Variants in TRIM33 observed in about 807,000 individuals in gnomAD.
The protein encoded by TRIM33 is E3 ubiquitin-protein ligase TRIM33.
A neutral mutation model predicts 125.4 loss-of-function variants in TRIM33; 20 were observed. That is an observed-to-expected ratio of 0.16 (90% CI 0.11 to 0.23). The LOEUF is 0.23. Among genes scored for constraint, TRIM33 ranks in the 10% least tolerant of loss-of-function variants. TRIM33 has a pLI of 1.00. For missense variants in TRIM33, 920 were observed against 1,411.4 expected, an observed-to-expected ratio of 0.65 and a Z score of 5.58; for synonymous variants, 564 against 513.9, an observed-to-expected ratio of 1.10 and a Z score of -1.32.
At chr1:114,413,785 A>G (rs1197541156) in intron 11 of TRIM33, among the ~76,000 whole-genome samples, 1 of 152,008 alleles carries the variant, frequency 6.6e-6, no homozygotes, top group Non-Finnish European at 1.5e-5. Context: ...TCGGATACCA[A>G]GGTAAGAGGA....
chr1:114,510,400 A>G (rs1653271560), intron 1 of TRIM33, 151 bp downstream of exon 1: 1 of 656,418 alleles, frequency 1.5e-6, no homozygotes, highest in Admixed American at 3.7e-5. Context: ...GCTTCTCTGG[A>G]AAGTGTCCCA....
intron 11 of TRIM33, among the ~76,000 whole-genome samples, chr1:114,418,899 C>G (rs1262711395): frequency 6.6e-6 from 1 of 152,020 alleles, no homozygotes; most frequent in Non-Finnish European, 1.5e-5. Flanking sequence ...TTACTGCCCC[C>G]ACCCCTTCCT....
chr1:114,421,736 C>A, intron 10 of TRIM33, 100 bp from the exon 11 acceptor site: 1 of 1,145,712 alleles, frequency 8.7e-7, no homozygotes, highest in South Asian at 1.4e-5. Context: ...ACAGAAGAAA[C>A]AAAGAAGTGG....
chr1:114,490,084 CAAAAAAA>C (rs776451339), intron 1 of TRIM33, among the ~76,000 whole-genome samples: 1 of 37,644 alleles, frequency 2.7e-5, no homozygotes, highest in South Asian at 1.2e-3. Context: ...GACTCCGTCT[CAAAAAAA>C]AAAAAAAAAA....
At chr1:114,408,650 GA>G (rs767553993) in intron 13 of TRIM33, 26 bp downstream of exon 13, 58 of 1,502,440 alleles carry the variant, frequency 3.9e-5, no homozygotes, top group Non-Finnish European at 4.8e-5. Flanking sequence ...TAACAAAAAG[GA>G]AAAAAATAAT....
chr1:114,469,788 A>C (rs1456386733), intron 1 of TRIM33, among the ~76,000 whole-genome samples: 1 of 152,192 alleles, frequency 6.6e-6, no homozygotes, highest in Non-Finnish European at 1.5e-5. Context: ...CTTACAAAAA[A>C]CTTGGCAATG....
chr1:114,397,605 T>G lies in TRIM33; in HGVS notation c.*43A>C. ...GTTTTTTGTGTTTTTTTTTTTTTTT[T>G]CGTTTTTTTTTTTTTAAACAATTGA... On this transcript the variant is annotated 3_prime_UTR_variant, in exon 20 of 20. Transcript: ENST00000358465. 1 of 1,114,618 alleles carries G rather than the reference T, an allele frequency of 9.0e-7. No individual in the cohort carries two copies. The highest frequency in any genetic ancestry group is 1.3e-6 in the Non-Finnish European group (1 of 782,166). 69.0% of individuals were successfully genotyped at this position (1,114,618 alleles called of 1,614,324 possible).
intron 4 of TRIM33, among the ~76,000 whole-genome samples, chr1:114,440,349 CAA>C (rs1171822984): frequency 3.0e-5 from 4 of 134,570 alleles, no homozygotes; most frequent in Non-Finnish European, 3.3e-5. Flanking sequence ...AATTTTAGAC[CAA>C]AAAAAAAAAA....
intron 4 of TRIM33, among the ~76,000 whole-genome samples, chr1:114,440,616 T>C (rs1572057850): frequency 2.0e-5 from 3 of 152,278 alleles, no homozygotes; most frequent in East Asian, 3.9e-4. Context: ...ATAAAGTTTT[T>C]AAAAGGGGGA....
intron 11 of TRIM33, among the ~76,000 whole-genome samples, chr1:114,417,469 C>T (rs1383785460): frequency 6.6e-6 from 1 of 152,066 alleles, no homozygotes; most frequent in Admixed American, 6.6e-5. Context: ...ACAGTAAGTG[C>T]TTAGTAAAAA....
intron 12 of TRIM33, among the ~76,000 whole-genome samples, chr1:114,409,205 A>C (rs1403280544): frequency 6.6e-6 from 1 of 152,152 alleles, no homozygotes; most frequent in Non-Finnish European, 1.5e-5. Flanking sequence ...TAAGAAAAAA[A>C]TAACATTTAA....
Position 114,463,187 on chromosome 1 carries a change from T to C in TRIM33, c.840A>G (p.Lys280=). Residue 280 remains lysine (K), a synonymous_variant, in exon 4 of 20, where the codon AAA becomes AAG. Coordinates refer to ENST00000358465, the MANE Select transcript of TRIM33 (RefSeq NM_015906.4). ...GQRPVFCPVH[K]QEQLKLFCET... is the part of the protein sequence containing the mutation. ...CACAGAAAAGTTTCAACTGTTCTTG[T>C]TTGTGTACAGGGCAGAAAACAGGGC... 1.2e-6 allele frequency: 2 copies of C among 1,613,466 alleles called. No homozygotes were observed. The highest frequency in any genetic ancestry group is 1.7e-6 in the Non-Finnish European group (2 of 1,179,786).
intron 18 of TRIM33, among the ~76,000 whole-genome samples, chr1:114,399,124 T>C (rs1651724719): frequency 6.6e-6 from 1 of 152,064 alleles, no homozygotes; most frequent in African/African-American, 2.4e-5. Flanking sequence ...TACAGATAAC[T>C]TTCCTAATAG....
rs114005894 is a variant in TRIM33, at chr1:114,425,718, G to A, written c.1426C>T (p.Leu476=). ...GGAGCTGGTTTACTCTCTATTACTAGATTACCTGAAAAATTTAAAAAATGA... is the reference window on the plus strand; with the variant it reads ...GGAGCTGGTTTACTCTCTATTACTAAATTACCTGAAAAATTTAAAAAATGA... ...WAKNVVNLGN[L]VIESKPAPGY... is the part of the protein sequence containing the mutation. Residue 476 remains leucine (L), a synonymous_variant, in exon 9 of 20, where the codon CTA becomes TTA. Transcript: ENST00000358465. 111 of 1,584,464 alleles carry A rather than the reference G, an allele frequency of 7.0e-5. No individual in the cohort carries two copies. The African/African-American group carries it at 1.4e-3, about 20-fold the overall frequency.
chr1:114,485,367 C>T (rs2101507019), intron 1 of TRIM33, among the ~76,000 whole-genome samples: 1 of 152,150 alleles, frequency 6.6e-6, no homozygotes, highest in Admixed American at 6.5e-5. Context: ...ACTTCTACTC[C>T]CACCTGGCAA....
chr1:114,457,840 C>G (rs71664846), intron 4 of TRIM33, among the ~76,000 whole-genome samples: 2,424 of 152,212 alleles, frequency 0.016, 25 homozygotes, highest in Non-Finnish European at 0.023. Context: ...GTGATTTTCC[C>G]CTATGTTTGG....
At chr1:114,485,153 G>C (rs1235667029) in intron 1 of TRIM33, among the ~76,000 whole-genome samples, 1 of 152,064 alleles carries the variant, frequency 6.6e-6, no homozygotes, top group African/African-American at 2.4e-5. Context: ...GGAATTAAAA[G>C]CATGAATTTA....
At chr1:114,439,727 GACT>G (rs1319055786) in intron 4 of TRIM33, among the ~76,000 whole-genome samples, 2 of 151,890 alleles carry the variant, frequency 1.3e-5, no homozygotes, top group African/African-American at 4.8e-5. Context: ...ACATTCAGAA[GACT>G]ACACTAAGGT....
At chr1:114,448,496 C>T (rs532797020) in intron 4 of TRIM33, among the ~76,000 whole-genome samples, 1 of 152,288 alleles carries the variant, frequency 6.6e-6, no homozygotes, top group East Asian at 1.9e-4. Flanking sequence ...CTATTGGTAT[C>T]ATTATGCTAG....
Sources: gnomAD v4.1 joint callset for allele counts (sites outside exome capture counted in the v4.1 genomes callset) on GRCh38, gnomAD v4.1.1 for gene constraint, MANE v1.5 for transcripts, NCBI Gene and HGNC (gene_info 2026-07-23, HGNC 2026-07-21) for gene names.